PTPRD: variants seen among roughly 807,000 people sequenced by gnomAD.
PTPRD encodes the protein protein tyrosine phosphatase receptor type D, also known as receptor-type tyrosine-protein phosphatase delta.
Under a neutral mutation model 214.5 loss-of-function variants are expected in PTPRD, and 34 were observed. The observed-to-expected ratio is 0.16, with a 90% CI of 0.12 to 0.21. PTPRD has a LOEUF of 0.21. Among genes scored for constraint, PTPRD ranks in the 10% least tolerant of loss-of-function variants. The pLI is 1.00. For missense variants in PTPRD, 2,545 were observed against 2,398.7 expected (o/e 1.06, Z -1.27); for synonymous variants, 1,128 against 845.7 (o/e 1.33, Z -5.79).
chr9:9,242,875 G>T (rs2099971066), intron 9 of PTPRD, among the ~76,000 whole-genome samples: 1 of 152,122 alleles, frequency 6.6e-6, no homozygotes, highest in Non-Finnish European at 1.5e-5. Flanking sequence ...ATGTTCCATT[G>T]CTGGTGAGGA....
intron 36 of PTPRD, among the ~76,000 whole-genome samples, chr9:8,402,805 A>G (rs2092573224): frequency 6.6e-6 from 1 of 151,934 alleles, no homozygotes; most frequent in Non-Finnish European, 1.5e-5. Flanking sequence ...AGAAGCGATT[A>G]CCCATTTGAC....
chr9:9,572,654 C>T (rs2086883330), intron 8 of PTPRD, among the ~76,000 whole-genome samples: 1 of 144,894 alleles, frequency 6.9e-6, no homozygotes, highest in Non-Finnish European at 1.5e-5. Flanking sequence ...ATAAACATAA[C>T]CCGATATGTA....
At chr9:10,372,645 G>T (rs1393238871) in intron 2 of PTPRD, among the ~76,000 whole-genome samples, 1 of 151,776 alleles carries the variant, frequency 6.6e-6, no homozygotes, top group Non-Finnish European at 1.5e-5. Context: ...GCCTCCATCA[G>T]TGCCTGGCTC....
At chr9:9,122,712 C>T (rs1029987288) in intron 10 of PTPRD, among the ~76,000 whole-genome samples, 1 of 152,148 alleles carries the variant, frequency 6.6e-6, no homozygotes, top group African/African-American at 2.4e-5. Context: ...CTGTGTTTCT[C>T]ATTTAGCTAC....
At chr9:10,159,780 C>T (rs1393028514) in intron 3 of PTPRD, among the ~76,000 whole-genome samples, 1 of 150,890 alleles carries the variant, frequency 6.6e-6, no homozygotes, top group Non-Finnish European at 1.5e-5. Context: ...TTACTGAGCT[C>T]GAAGAATGGC....
chr9:9,254,807 A>T (rs1018853847), intron 9 of PTPRD, among the ~76,000 whole-genome samples: 15 of 152,020 alleles, frequency 9.9e-5, no homozygotes, highest in Non-Finnish European at 1.8e-4. Flanking sequence ...TTGTTCCTGT[A>T]TTCAGTTCCT....
chr9:9,603,581 A>G (rs1169246774), intron 7 of PTPRD, among the ~76,000 whole-genome samples: 10 of 151,888 alleles, frequency 6.6e-5, no homozygotes, highest in Admixed American at 6.6e-4. Context: ...TGCCATCAGC[A>G]GTGACATTAA....
chr9:9,635,089 C>T (rs184778043), intron 7 of PTPRD, among the ~76,000 whole-genome samples: 1 of 152,188 alleles, frequency 6.6e-6, no homozygotes, highest in East Asian at 1.9e-4. Flanking sequence ...ATGGATTAGA[C>T]CATTAGAGAT....
intron 11 of PTPRD, among the ~76,000 whole-genome samples, chr9:8,755,277 C>A (rs1450651373): frequency 6.6e-6 from 1 of 150,630 alleles, no homozygotes; most frequent in Admixed American, 6.6e-5. Context: ...CGCCTGTAAT[C>A]CCAGCACTTT....
At chr9:9,483,417 T>C (rs2095499125) in intron 8 of PTPRD, among the ~76,000 whole-genome samples, 1 of 152,032 alleles carries the variant, frequency 6.6e-6, no homozygotes, top group African/African-American at 2.4e-5. Flanking sequence ...AGTCAATGGA[T>C]TTAGGAAATT....
chr9:9,141,029 G>A (rs1322293197), intron 10 of PTPRD, among the ~76,000 whole-genome samples: 1 of 151,928 alleles, frequency 6.6e-6, no homozygotes, highest in Non-Finnish European at 1.5e-5. Flanking sequence ...TGGAATTCAA[G>A]CTTGGTGTTT....
At chr9:9,300,629 C>T (rs749817984) in intron 9 of PTPRD, among the ~76,000 whole-genome samples, 5 of 151,718 alleles carry the variant, frequency 3.3e-5, no homozygotes, top group Admixed American at 2.0e-4. Flanking sequence ...AAAGGGACAT[C>T]AGAGAGCTCT....
chr9:9,246,187 T>C (rs1007016467), intron 9 of PTPRD, among the ~76,000 whole-genome samples: 2 of 152,114 alleles, frequency 1.3e-5, no homozygotes, highest in African/African-American at 4.8e-5. Context: ...TCATTGTTTT[T>C]GCAGGTTTGT....
chr9:10,448,820 G>A (rs920622514), intron 2 of PTPRD, among the ~76,000 whole-genome samples: 3 of 151,902 alleles, frequency 2.0e-5, no homozygotes, highest in Non-Finnish European at 4.4e-5. Context: ...GCATGCCCAA[G>A]AGAAAGCATT....
At chr9:10,448,783 G>A (rs1275971092) in intron 2 of PTPRD, among the ~76,000 whole-genome samples, 2 of 151,910 alleles carry the variant, frequency 1.3e-5, no homozygotes, top group African/African-American at 2.4e-5. Context: ...TCTGTCCAAC[G>A]CATCAAATCA....
intron 5 of PTPRD, among the ~76,000 whole-genome samples, chr9:9,845,894 G>A (rs192977643): frequency 6.6e-6 from 1 of 152,028 alleles, no homozygotes; most frequent in Non-Finnish European, 1.5e-5. Context: ...ATGTCCAGAG[G>A]AAGTTAATGA....
intron 3 of PTPRD, among the ~76,000 whole-genome samples, chr9:10,251,003 T>C (rs906929321): frequency 7.2e-5 from 11 of 152,104 alleles, no homozygotes; most frequent in Admixed American, 3.9e-4. Context: ...TGTAATTGTT[T>C]ATGTTATCAT....
At chr9:9,375,399 C>T (rs1416093478) in intron 9 of PTPRD, among the ~76,000 whole-genome samples, 1 of 152,094 alleles carries the variant, frequency 6.6e-6, no homozygotes, top group African/African-American at 2.4e-5. Flanking sequence ...AGTTCAAAAC[C>T]AGCCTGACCA....
intron 3 of PTPRD, among the ~76,000 whole-genome samples, chr9:10,184,805 A>T: frequency 6.6e-6 from 1 of 152,200 alleles, no homozygotes; most frequent in East Asian, 1.9e-4. Context: ...AGGATCAAAT[A>T]AGAGAAGGCA....
Sources: allele counts gnomAD v4.1 joint callset (sites outside exome capture counted in the v4.1 genomes callset), GRCh38; gene constraint gnomAD v4.1.1; transcripts MANE v1.5; gene names NCBI Gene and HGNC (gene_info 2026-07-23, HGNC 2026-07-21).